Variants in MTX2 observed in about 807,000 individuals in gnomAD.
MTX2 encodes the protein metaxin-2.
Under a neutral mutation model 42.3 loss-of-function variants are expected in MTX2, and 35 were observed. That is an observed-to-expected ratio of 0.83 (90% CI 0.63 to 1.10). The LOEUF is 1.10. Ranked by LOEUF, MTX2 falls within the 50% of genes least tolerant of loss-of-function variation. MTX2 has a pLI of 0.00. For synonymous variants in MTX2, 119 were observed against 100.9 expected (o/e 1.18, Z -1.08); for missense variants, 307 against 304.1 (o/e 1.01, Z -0.07).
chr2:176,272,744 A>G (rs369802844), intron 1 of MTX2, among the ~76,000 whole-genome samples: 2 of 152,092 alleles, frequency 1.3e-5, no homozygotes, highest in East Asian at 3.8e-4. Flanking sequence ...TATTCAACTA[A>G]TTGTAACTAG....
intron 1 of MTX2, among the ~76,000 whole-genome samples, chr2:176,295,593 G>A (rs565382498): frequency 2.0e-4 from 31 of 152,146 alleles, no homozygotes; most frequent in Admixed American, 4.6e-4. Flanking sequence ...TGTTTTCATG[G>A]CATTATCTCT....
chr2:176,273,759 A>G (rs1470241793), intron 1 of MTX2, among the ~76,000 whole-genome samples: 1 of 152,014 alleles, frequency 6.6e-6, no homozygotes, highest in Non-Finnish European at 1.5e-5. Flanking sequence ...TACTGCTGTT[A>G]CCTTAGTTCA....
chr2:176,303,302 C>T (rs1300147731), intron 3 of MTX2, among the ~76,000 whole-genome samples: 1 of 152,036 alleles, frequency 6.6e-6, no homozygotes, highest in Admixed American at 6.6e-5. Flanking sequence ...ACATTCCTCT[C>T]AATTTGATCA....
chr2:176,321,051 T>C (rs151017142), intron 3 of MTX2, among the ~76,000 whole-genome samples: 156 of 152,236 alleles, frequency 1.0e-3, no homozygotes, highest in African/African-American at 3.6e-3. Context: ...TTTCAGCCTA[T>C]CTCCATTATT....
intron 3 of MTX2, among the ~76,000 whole-genome samples, chr2:176,323,176 T>A (rs1224755292): frequency 6.6e-6 from 1 of 151,924 alleles, no homozygotes; most frequent in African/African-American, 2.4e-5. Flanking sequence ...ACTTTAAGTT[T>A]CATGTATTTA....
chr2:176,335,896 G>A (rs1025789303), intron 9 of MTX2, among the ~76,000 whole-genome samples: 1 of 152,060 alleles, frequency 6.6e-6, no homozygotes, highest in Non-Finnish European at 1.5e-5. Flanking sequence ...CCAGAGCTCA[G>A]GGGAGACATT....
At chr2:176,273,933 CTTG>C (rs1692884799) in intron 1 of MTX2, among the ~76,000 whole-genome samples, 1 of 150,592 alleles carries the variant, frequency 6.6e-6, no homozygotes, top group Non-Finnish European at 1.5e-5. Flanking sequence ...AAAACCTCCT[CTTG>C]TTTTAACATT....
At chr2:176,329,955 A>AAATATAGATAG in intron 8 of MTX2, among the ~76,000 whole-genome samples, 1 of 150,948 alleles carries the variant, frequency 6.6e-6, no homozygotes, top group Non-Finnish European at 1.5e-5. Context: ...AAAGTAGCAA[A>AAATATAGATAG]ACTTAAAAAT....
intron 1 of MTX2, among the ~76,000 whole-genome samples, chr2:176,286,645 G>C (rs1014952294): frequency 1.3e-5 from 2 of 151,816 alleles, no homozygotes; most frequent in Non-Finnish European, 2.9e-5. Flanking sequence ...CGTCTCCCAG[G>C]TTCAAGCGAT....
intron 8 of MTX2, 100 bp downstream of exon 8, chr2:176,329,526 C>T: frequency 8.6e-7 from 1 of 1,159,474 alleles, no homozygotes; most frequent in Non-Finnish European, 1.1e-6. Flanking sequence ...ATAAGATTTG[C>T]AAGAAAACCA....
intron 2 of MTX2, among the ~76,000 whole-genome samples, chr2:176,297,259 G>A (rs1295926843): frequency 2.0e-5 from 3 of 152,166 alleles, no homozygotes; most frequent in Non-Finnish European, 4.4e-5. Context: ...CTGTTAAAAT[G>A]TATAGGCTAG....
At position 176,304,169 on chromosome 2, in the gene MTX2, T is replaced by C. The variant is rs369089837; in HGVS notation, c.135+6274T>C. 3.6e-3 allele frequency: 558 copies of C among 154,552 alleles called. 3 individuals are homozygous for C. The highest frequency in any genetic ancestry group is 5.8e-3 in the Non-Finnish European group (396 of 67,890). The allele number at this position is 154,552 out of a possible 1,614,324, so 9.6% of individuals were successfully genotyped here. A position where few individuals can be genotyped will look rare whatever the true frequency, so the allele number is the denominator to read the frequency against. ...CTGTGTGAGTGAAACATCTTTCATA[T>C]AGTTCTAAGATGAAATTACCCTTGA... On this transcript the variant is annotated intron_variant, in intron 3 of 9. Coordinates refer to ENST00000249442, the MANE Select transcript of MTX2 (RefSeq NM_006554.5).
chr2:176,291,063 G>A (rs186579484), intron 1 of MTX2, among the ~76,000 whole-genome samples: 144 of 152,064 alleles, frequency 9.5e-4, no homozygotes, highest in African/African-American at 3.1e-3. Flanking sequence ...AAAAATTTGA[G>A]CATGCAGGCC....
chr2:176,327,005 C>T, intron 5 of MTX2, 104 bp downstream of exon 5: 1 of 596,656 alleles, frequency 1.7e-6, no homozygotes, highest in Non-Finnish European at 2.8e-6. Context: ...TTATAAAATG[C>T]CAATGCAAAC....
intron 1 of MTX2, among the ~76,000 whole-genome samples, chr2:176,281,922 T>C (rs940304817): frequency 5.3e-5 from 8 of 152,124 alleles, no homozygotes; most frequent in Non-Finnish European, 1.5e-5. Context: ...GCCTATCATA[T>C]GGAAAGATTG....
chr2:176,326,618 A>G (rs944512095), intron 4 of MTX2, among the ~76,000 whole-genome samples: 14 of 151,666 alleles, frequency 9.2e-5, no homozygotes, highest in Admixed American at 7.9e-4. Context: ...AAATGAATTT[A>G]CCTGTTCTTT....
chr2:176,292,580 TG>T lies in MTX2; in HGVS notation c.41-4278del, dbSNP rs549015946. ...AAATAAGCTTTCTTTCTGTTAGATG[TG>T]GATAATAATTTTCATGATTCATAGA... is the stretch of plus-strand genomic sequence containing the variant. On this transcript the variant is annotated intron_variant, in intron 1 of 9. Transcript: ENST00000249442. 2.3e-3 allele frequency among the ~76,000 whole-genome samples: 357 copies of T among 152,286 alleles called. 2 individuals carry two copies. The highest frequency in any genetic ancestry group is 4.2e-3 in the Non-Finnish European group (285 of 68,020).
intron 3 of MTX2, among the ~76,000 whole-genome samples, chr2:176,316,843 A>G (rs1460571248): frequency 6.6e-6 from 1 of 152,138 alleles, no homozygotes; most frequent in African/African-American, 2.4e-5. Context: ...ATATCCTTAC[A>G]CATATCTTGT....
chr2:176,319,236 T>TTTTA (rs1404080733), intron 3 of MTX2, among the ~76,000 whole-genome samples: 1 of 152,178 alleles, frequency 6.6e-6, no homozygotes, highest in African/African-American at 2.4e-5. Context: ...AGAAAATATA[T>TTTTA]TTTAGATGAG....
Sources: gnomAD v4.1 joint callset for allele counts (sites outside exome capture counted in the v4.1 genomes callset) on GRCh38, gnomAD v4.1.1 for gene constraint, MANE v1.5 for transcripts, NCBI Gene and HGNC (gene_info 2026-07-23, HGNC 2026-07-21) for gene names.